Variants in SLC17A1 observed in about 807,000 individuals in gnomAD.
SLC17A1 encodes the protein solute carrier family 17 member 1.
Under a neutral mutation model 53.5 loss-of-function variants are expected in SLC17A1, and 51 were observed. The ratio of observed to expected loss-of-function variants is 0.95; its 90% CI spans 0.76 to 1.20. The LOEUF is 1.20. SLC17A1 is among the 50% of genes most tolerant of loss of function. The pLI is 0.00. For synonymous variants in SLC17A1, 179 were observed against 198.8 expected (o/e 0.90, Z 0.84); for missense variants, 538 against 568.2 (o/e 0.95, Z 0.54).
chr6:25,804,562 A>G (rs1261014523), intron 10 of SLC17A1, among the ~76,000 whole-genome samples: 1 of 152,110 alleles, frequency 6.6e-6, no homozygotes, highest in East Asian at 1.9e-4. Flanking sequence ...AATGGTCTAA[A>G]TGCTCCACTT....
At chr6:25,825,193 T>A (rs1372043318) in intron 3 of SLC17A1, among the ~76,000 whole-genome samples, 1 of 151,986 alleles carries the variant, frequency 6.6e-6, no homozygotes, top group Non-Finnish European at 1.5e-5. Context: ...TTTTAACTGG[T>A]GTGTTTAGAA....
chr6:25,763,866 C>A, the SLC17A1 span, among the ~76,000 whole-genome samples: 1 of 152,150 alleles, frequency 6.6e-6, no homozygotes, highest in Non-Finnish European at 1.5e-5. Context: ...CCATGAGCTT[C>A]TTTCTGTATC....
chr6:25,798,909 G>C lies in SLC17A1; in HGVS notation c.1280C>G (p.Ser427Cys), dbSNP rs1763668418. The C allele has an allele frequency of 6.3e-7, 1 of 1,580,644 alleles. No homozygotes were observed. ...CAGGATGAAGGTTTTAAACCAGGCGGATTCCGGATCCTAAGGAATTAAAAT... is the reference window on the plus strand; with the variant it reads ...CAGGATGAAGGTTTTAAACCAGGCGCATTCCGGATCCTAAGGAATTAAAAT... ...TGLILKQDPE[S>C]AWFKTFILMA... The change falls in exon 12 of 13, where the codon TCC becomes TGC. Residue 427 changes from serine (S) to cysteine (C), a missense_variant. Transcript: ENST00000244527.
the SLC17A1 span, among the ~76,000 whole-genome samples, chr6:25,734,682 A>G: frequency 1.3e-5 from 2 of 152,354 alleles, no homozygotes; most frequent in African/African-American, 2.4e-5. Flanking sequence ...AATGCTGAGT[A>G]AAATGCAAAC....
intron 3 of SLC17A1, among the ~76,000 whole-genome samples, chr6:25,822,639 G>A (rs1430420623): frequency 6.6e-6 from 1 of 152,106 alleles, no homozygotes; most frequent in Non-Finnish European, 1.5e-5. Flanking sequence ...TATAGCTCAA[G>A]AGCTCCCTCC....
intron 2 of SLC17A1, among the ~76,000 whole-genome samples, chr6:25,829,146 G>A (rs1764856867): frequency 6.6e-6 from 1 of 152,238 alleles, no homozygotes; most frequent in African/African-American, 2.4e-5. Context: ...ATGTTTCACT[G>A]TGGACTTTTG....
At chr6:25,799,798 G>A (rs1018363681) in intron 11 of SLC17A1, among the ~76,000 whole-genome samples, 17 of 152,198 alleles carry the variant, frequency 1.1e-4, no homozygotes, top group African/African-American at 3.9e-4. Flanking sequence ...ACACCTGAGT[G>A]AACTCAATGG....
intron 10 of SLC17A1, among the ~76,000 whole-genome samples, chr6:25,805,216 A>T (rs1029678061): frequency 6.6e-6 from 1 of 152,054 alleles, no homozygotes; most frequent in Non-Finnish European, 1.5e-5. Context: ...TCAGACCACA[A>T]TGGAATAAAA....
chr6:25,811,400 G>C lies in SLC17A1; in HGVS notation c.1176C>G (p.Pro392=). ...AAAAGCGTATAAACAAATCCTACCT[G>C]GGAGCAATATCCAAGCCATTTATAA... ...GVFINGLDIA[P]RYFGFIKACS... is the part of the protein sequence containing the mutation. Residue 392 remains proline, a splice_region_variant and synonymous_variant, in exon 10 of 13, where the codon CCC becomes CCG. Transcript: ENST00000244527. 1 of 1,609,282 alleles carries C rather than the reference G, an allele frequency of 6.2e-7. No individual in the cohort carries two copies. The highest frequency in any genetic ancestry group is 1.3e-5 in the African/African-American group (1 of 74,850).
chr6:25,757,149 T>C, the SLC17A1 span, among the ~76,000 whole-genome samples: 1 of 152,224 alleles, frequency 6.6e-6, no homozygotes, highest in African/African-American at 2.4e-5. Flanking sequence ...TCTGTGGTTT[T>C]GAATGACATC....
intron 6 of SLC17A1, among the ~76,000 whole-genome samples, chr6:25,817,780 T>C (rs1764408509): frequency 6.6e-6 from 1 of 152,248 alleles, no homozygotes; most frequent in African/African-American, 2.4e-5. Context: ...AAAACAGGTC[T>C]GCATTTTATT....
the SLC17A1 span, chr6:25,773,350 G>C: frequency 6.2e-7 from 1 of 1,613,920 alleles, no homozygotes; most frequent in Non-Finnish European, 8.5e-7. Context: ...CCCTTTATCA[G>C]TGCTGGTGAG....
At chr6:25,738,381 A>G in the SLC17A1 span, among the ~76,000 whole-genome samples, 1 of 152,170 alleles carries the variant, frequency 6.6e-6, no homozygotes, top group Admixed American at 6.5e-5. Context: ...GTTGACTTAA[A>G]CCTTACACCT....
the SLC17A1 span, among the ~76,000 whole-genome samples, chr6:25,774,256 TAGAC>T: frequency 2.6e-5 from 4 of 152,234 alleles, no homozygotes; most frequent in African/African-American, 4.8e-5. Flanking sequence ...TTTCACAAAA[TAGAC>T]AGATACTCTG....
chr6:25,777,948 C>T, downstream of SLC17A1: 2 of 1,613,154 alleles, frequency 1.2e-6, no homozygotes, highest in South Asian at 1.1e-5. Flanking sequence ...TCTCAAAGGA[C>T]TATTGCAAGT....
chr6:25,726,725 C>T, the SLC17A1 span: 5 of 1,064,608 alleles, frequency 4.7e-6, no homozygotes, highest in South Asian at 1.6e-5. Flanking sequence ...ATACCGAACG[C>T]GGCGTTTGAG....
At chr6:25,805,833 C>T (rs1763934510) in intron 10 of SLC17A1, among the ~76,000 whole-genome samples, 1 of 151,900 alleles carries the variant, frequency 6.6e-6, no homozygotes, top group Non-Finnish European at 1.5e-5. Flanking sequence ...AATAGAAACC[C>T]TGAACAGAGT....
intron 10 of SLC17A1, among the ~76,000 whole-genome samples, chr6:25,809,249 G>A (rs9467607): frequency 0.069 from 10,456 of 152,066 alleles, 398 homozygotes; most frequent in Non-Finnish European, 0.087. Flanking sequence ...ACTTGGAAGA[G>A]TGGGAGGAGG....
At chr6:25,757,037 CAGA>C in the SLC17A1 span, among the ~76,000 whole-genome samples, 6 of 152,098 alleles carry the variant, frequency 3.9e-5, no homozygotes, top group African/African-American at 1.4e-4. Flanking sequence ...TCAGAATTAC[CAGA>C]ACCATTCCAT....
Sources: gnomAD v4.1 joint callset for allele counts (sites outside exome capture counted in the v4.1 genomes callset) on GRCh38, gnomAD v4.1.1 for gene constraint, MANE v1.5 for transcripts, NCBI Gene and HGNC (gene_info 2026-07-23, HGNC 2026-07-21) for gene names.